SPTA1: variants seen among roughly 807,000 people sequenced by gnomAD.
SPTA1 encodes spectrin alpha chain, erythrocytic 1.
A neutral mutation model predicts 324.7 loss-of-function variants in SPTA1; 177 were observed. That is an observed-to-expected ratio of 0.55 (90% confidence interval 0.48 to 0.62). SPTA1 has a LOEUF of 0.62. SPTA1 is among the 20% of genes least tolerant of loss of function. The pLI, the probability that SPTA1 is intolerant of heterozygous loss-of-function variation, is 0.00. For synonymous variants in SPTA1, 1,195 were observed against 1,041.3 expected (o/e 1.15, Z -2.84); for missense variants, 3,162 against 2,883.6 (o/e 1.10, Z -2.21).
At chr1:158,638,743 A>AT (rs1651291533) in intron 35 of SPTA1, among the ~76,000 whole-genome samples, 1 of 91,196 alleles carries the variant, frequency 1.1e-5, no homozygotes, top group Admixed American at 1.2e-4. Flanking sequence ...TTGAGCTGGT[A>AT]CCAAAAAAAA....
chr1:158,656,525 T>G (rs1652837508), intron 20 of SPTA1, 39 bp downstream of exon 20: 1 of 1,550,794 alleles, frequency 6.4e-7, no homozygotes, highest in Admixed American at 1.7e-5. Context: ...TTCTTTGTGG[T>G]GGGAAGTGTG....
At chr1:158,665,047 A>G (rs1486276739) in intron 16 of SPTA1, among the ~76,000 whole-genome samples, 2 of 152,184 alleles carry the variant, frequency 1.3e-5, no homozygotes, top group Non-Finnish European at 2.9e-5. Context: ...CTTTGCATGT[A>G]TCATTTCTTT....
At position 158,667,937 on chromosome 1, in the gene SPTA1, A is replaced by G. The variant is rs1247543435; in HGVS notation, c.1959T>C (p.Tyr653=). Residue 653 remains tyrosine (Y), a synonymous_variant, in exon 15 of 52, where the codon TAT becomes TAC. Transcript: ENST00000643759. The part of the protein sequence containing the change: ...TGQEMIEGGH[Y]ASDNVTTRLS... ...GACGAGTGGTCACATTGTCAGAGGC[A>G]TAGTGACCACCCTCAATCATCTCTT... The G allele has an allele frequency of 6.2e-7, 1 of 1,614,108 alleles. No homozygotes were observed. Among genetic ancestry groups the G allele is most frequent in the Non-Finnish European group, 8.5e-7 (1 of 1,179,998 alleles).
At position 158,626,915 on chromosome 1, in the gene SPTA1, A is replaced by G; in HGVS notation, c.5757T>C (p.Ala1919=). The G allele has an allele frequency of 6.2e-7, 1 of 1,613,960 alleles. No individual in the cohort carries two copies. Among genetic ancestry groups the G allele is most frequent in the Non-Finnish European group, 8.5e-7 (1 of 1,179,872 alleles). The change falls in exon 41 of 52, where the codon GCT becomes GCC. Residue 1919 remains alanine, a synonymous_variant. Transcript: ENST00000643759. The part of the protein sequence containing the change: ...KTPSLAKAIA[A]WKLQLEDDYA... ...AATCGTCTTCCAATTGCAACTTCCAAGCAGCTATTGCCTTAGCCAGAGAAG... is the reference window on the plus strand; with the variant it reads ...AATCGTCTTCCAATTGCAACTTCCAGGCAGCTATTGCCTTAGCCAGAGAAG...
intron 4 of SPTA1, 110 bp from the exon 5 acceptor site, chr1:158,680,839 G>C (rs902215557): frequency 1.4e-6 from 2 of 1,397,880 alleles, no homozygotes; most frequent in African/African-American, 2.8e-5. Context: ...TGGAGATACT[G>C]GGGGAGACTG....
intron 5 of SPTA1, 105 bp from the exon 6 acceptor site, chr1:158,678,639 A>G: frequency 7.3e-7 from 1 of 1,362,870 alleles, no homozygotes; most frequent in Non-Finnish European, 1.0e-6. Context: ...TACAGAAGTG[A>G]AAACTGACCA....
In SPTA1 at chr1:158,612,883, T is replaced by G. The variant is rs78598639; in HGVS notation, c.7068A>C (p.Glu2356Asp). The change falls in exon 51 of 52, where the codon GAA (glutamate) becomes GAC (aspartate). Residue 2356 changes from glutamate to aspartate, a missense_variant. Coordinates refer to ENST00000643759, the MANE Select transcript of SPTA1 (RefSeq NM_003126.4). ...KESENIKSSD[E>D]IENAFQALAE... ...CCAGGGCTTGGAAGGCATTCTCTAT[T>G]TCATCACTGGACTTGATGTTTTCTG... 5.7e-4 allele frequency: 921 copies of G among 1,613,950 alleles called. 1 individual carries two copies. The highest frequency in any genetic ancestry group is 1.9e-3 in the Admixed American group (114 of 59,990).
At chr1:158,633,443 G>A (rs1294019038) in intron 39 of SPTA1, among the ~76,000 whole-genome samples, 8 of 151,984 alleles carry the variant, frequency 5.3e-5, no homozygotes, top group Admixed American at 2.6e-4. Flanking sequence ...GGTGGATCAC[G>A]AGGTCAGGAG....
chr1:158,677,900 A>G lies in SPTA1; in HGVS notation c.813-66T>C, dbSNP rs145379614. 5.8e-4 allele frequency: 928 copies of G among 1,602,592 alleles called. 6 individuals are homozygous for G. The African/African-American group carries it at 0.011, about 19-fold the overall frequency. On this transcript the variant is annotated intron_variant, in intron 6 of 51. Transcript: ENST00000643759. The stretch of plus-strand genomic sequence containing the variant: ...AGCATTACAGGGCAAACGGTCCAAC[A>G]GAACTCACAGCAAGGACCATCCTAG...
chr1:158,618,944 A>G (rs764746722), intron 45 of SPTA1, among the ~76,000 whole-genome samples: 1 of 152,302 alleles, frequency 6.6e-6, no homozygotes, highest in African/African-American at 2.4e-5. Flanking sequence ...ATTATTTTGG[A>G]CTGAAATTAC....
intron 14 of SPTA1, 77 bp from the exon 15 acceptor site, chr1:158,668,139 C>T: frequency 6.9e-7 from 1 of 1,459,676 alleles, no homozygotes; most frequent in East Asian, 2.3e-5. Context: ...TAAGAGGTTA[C>T]TTCTCACTAT....
At chr1:158,613,674 C>G (rs1461712504) in intron 50 of SPTA1, 47 bp downstream of exon 50, 1 of 1,612,972 alleles carries the variant, frequency 6.2e-7, no homozygotes, top group Admixed American at 1.7e-5. Context: ...GCTTCTCCCT[C>G]CAAACCCCCA....
intron 48 of SPTA1, 171 bp downstream of exon 48, chr1:158,615,045 T>C: frequency 2.8e-6 from 2 of 721,668 alleles, no homozygotes; most frequent in South Asian, 1.8e-5. Context: ...TATTTCATGA[T>C]GGATTTCAGT....
Position 158,677,679 on chromosome 1 carries a change from C to T in SPTA1, c.957+11G>A, listed in dbSNP as rs1654482323. 3 of 1,612,916 alleles carry T rather than the reference C, an allele frequency of 1.9e-6. No homozygotes were observed. Among genetic ancestry groups the T allele is most frequent in the South Asian group, 1.1e-5 (1 of 91,000 alleles). ...CTCAACGGGTTAGCCATTTCTCTAA[C>T]AGCGCATTACCTTGTCACTCATGAC... On this transcript the variant is annotated intron_variant, in intron 7 of 51. Transcript: ENST00000643759.
chr1:158,680,744 G>A lies in SPTA1; in HGVS notation c.532-15C>T, dbSNP rs759606207. The A allele has an allele frequency of 1.9e-5, 31 of 1,613,116 alleles. No individual in the cohort carries two copies. The highest frequency in any genetic ancestry group is 5.0e-5 in the Admixed American group (3 of 59,914). ...GCTATAGCCTCCTGTAGACACAGAA[G>A]TTGATTGAGTTGCCAGCAAACATTT... On this transcript the variant is annotated splice_polypyrimidine_tract_variant and intron_variant, in intron 4 of 51. Coordinates refer to ENST00000643759, the MANE Select transcript of SPTA1 (RefSeq NM_003126.4).
chr1:158,635,985 T>A lies in SPTA1; in HGVS notation c.5360A>T (p.Gln1787Leu), dbSNP rs752648916. Residue 1787 changes from glutamine to leucine, a missense_variant, in exon 38 of 52, where the codon CAA (glutamine) becomes CTA (leucine). Transcript: ENST00000643759. ...AGCCAGCCGCAACTGGATCTCCTCT[T>A]GCCCCACAGCAGCCTTGTCTTTCAG... is the stretch of plus-strand genomic sequence containing the variant. ...EKLKDKAAVG[Q>L]EEIQLRLAQF... 6.2e-7 allele frequency: 1 copy of A among 1,614,182 alleles called. No homozygotes were observed. The highest frequency in any genetic ancestry group is 1.1e-5 in the South Asian group (1 of 91,084).
chr1:158,672,185 A>C lies in SPTA1; in HGVS notation c.1362T>G (p.Leu454=). 6.2e-7 allele frequency: 1 copy of C among 1,613,946 alleles called. No homozygotes were observed. Among genetic ancestry groups the C allele is most frequent in the East Asian group, 2.2e-5 (1 of 44,850 alleles). ...CCAGCAGGGCAGTCCAGTTGTTGTC[A>C]AGTATTTCCATCTTTGGAAAGAAGG... ...SDEVREKMEI[L]DNNWTALLEL... Residue 454 remains leucine, a synonymous_variant, in exon 11 of 52, where the codon CTT becomes CTG. Coordinates refer to ENST00000643759, the MANE Select transcript of SPTA1 (RefSeq NM_003126.4).
intron 35 of SPTA1, among the ~76,000 whole-genome samples, chr1:158,638,962 C>T (rs1557943239): frequency 1.3e-5 from 2 of 152,098 alleles, no homozygotes; most frequent in Non-Finnish European, 2.9e-5. Flanking sequence ...GTGTCTACTC[C>T]TATTCTAACC....
Position 158,615,305 on chromosome 1 carries a change from G to A in SPTA1, c.6699C>T (p.Tyr2233=), listed in dbSNP as rs1193686839. ...LEDALILDIK[Y]STIGLAQQWD... ...ACTGCTGAGCCAATCCAATGGTGCT[G>A]TATTTGATATCAAGGATCAGAGCGT... The change falls in exon 48 of 52, where the codon TAC becomes TAT. Residue 2233 remains tyrosine (Y), a synonymous_variant. Coordinates refer to ENST00000643759, the MANE Select transcript of SPTA1 (RefSeq NM_003126.4). The A allele has an allele frequency of 6.2e-7, 1 of 1,614,090 alleles. No individual in the cohort carries two copies. Among genetic ancestry groups the A allele is most frequent in the African/African-American group, 1.3e-5 (1 of 75,034 alleles).
Sources: gnomAD v4.1 joint callset for allele counts (sites outside exome capture counted in the v4.1 genomes callset) on GRCh38, gnomAD v4.1.1 for gene constraint, MANE v1.5 for transcripts, NCBI Gene and HGNC (gene_info 2026-07-23, HGNC 2026-07-21) for gene names.